The following TRRAP variants were observed in gnomAD, a reference collection of about 807,000 sequenced individuals.
TRRAP encodes the protein transformation/transcription domain associated protein, also known as transformation/transcription domain-associated protein.
In TRRAP, 41 loss-of-function variants were observed where a neutral mutation model predicts 438.8. The observed-to-expected ratio is 0.09, with a 90% CI of 0.07 to 0.12. TRRAP has a LOEUF of 0.12. Among genes scored for constraint, TRRAP ranks in the 10% least tolerant of loss-of-function variants. The probability of loss-of-function intolerance (pLI) is 1.00; values close to 1 mark genes in which losing one functional copy is unlikely to be tolerated. For missense variants in TRRAP, 3,122 were observed against 5,055.1 expected (o/e 0.62, Z 11.60); for synonymous variants, 1,994 against 1,962.9 (o/e 1.02, Z -0.42).
chr7:98,918,688 A>C (rs1220586975), intron 20 of TRRAP, among the ~76,000 whole-genome samples: 1 of 152,128 alleles, frequency 6.6e-6, no homozygotes, highest in Admixed American at 6.5e-5. Flanking sequence ...TGTTTGCTCC[A>C]CCCTACCCAA....
chr7:99,005,258 C>T lies in TRRAP; in HGVS notation c.10663C>T (p.Arg3555Ter). The T allele has an allele frequency of 6.2e-7, 1 of 1,614,108 alleles. No homozygotes were observed. The highest frequency in any genetic ancestry group is 8.5e-7 in the Non-Finnish European group (1 of 1,180,022). Residue 3555 changes from arginine to a stop codon, truncating the protein, a stop_gained, in exon 69 of 73, where the codon CGA (arginine) becomes TGA (stop). Coordinates refer to ENST00000456197, the MANE Select transcript of TRRAP (RefSeq NM_001375524.1). LOFTEE classifies it high-confidence loss of function. The surrounding 1 kb of genome is among the most constrained non-coding windows in gnomAD (Gnocchi z 5.1). ...MNDACLTESRREERVLQLLRL... is the reference protein window; with the variant it reads ...MNDACLTESR ...CGACGCCTGCCTCACAGAGTCACGG[C>T]GAGAGGAGCGTGTGTTGCAGCTGCT...
chr7:98,888,116 G>C (rs1217901046), intron 3 of TRRAP, among the ~76,000 whole-genome samples: 3 of 152,058 alleles, frequency 2.0e-5, no homozygotes, highest in African/African-American at 7.2e-5. Context: ...TGTAGTCCCA[G>C]CTACTTGGGA....
Position 98,994,994 on chromosome 7 carries a change from A to T in TRRAP, c.10309+146A>T. On this transcript the variant is annotated intron_variant, in intron 67 of 72. Coordinates refer to ENST00000456197, the MANE Select transcript of TRRAP (RefSeq NM_001375524.1). The surrounding 1 kb of genome is among the most constrained non-coding windows in gnomAD (Gnocchi z 4.8). ...ACACTCTGTTTACAGTGCAGACTTC[A>T]GAGTGCATAGCTGAGACCACATGTT... 1.6e-6 allele frequency: 2 copies of T among 1,224,314 alleles called. No individual in the cohort carries two copies. The highest frequency in any genetic ancestry group is 2.2e-6 in the Non-Finnish European group (2 of 893,466). The allele number at this position is 1,224,314 out of a possible 1,614,324, so 75.8% of individuals were successfully genotyped here. A position where few individuals can be genotyped will look rare whatever the true frequency, so the allele number is the denominator to read the frequency against.
intron 59 of TRRAP, 107 bp from the exon 60 acceptor site, chr7:98,983,157 A>T: frequency 9.3e-7 from 1 of 1,069,644 alleles, no homozygotes; most frequent in Non-Finnish European, 1.3e-6. Context: ...TGGTAATTGC[A>T]TCATAAGATC....
At chr7:98,997,818 T>G (rs1201436247) in intron 67 of TRRAP, among the ~76,000 whole-genome samples, 10 of 152,204 alleles carry the variant, frequency 6.6e-5, no homozygotes, top group African/African-American at 2.4e-4. Context: ...GAATCGAACT[T>G]AAATTCTTCC....
Position 98,953,298 on chromosome 7 carries a change from G to A in TRRAP, c.5595G>A (p.Leu1865=). ...HDNNKNRNSK[L]RRLMTFAWPC... is the part of the protein sequence containing the mutation. ...ACAACAAGAACCGCAACAGCAAGCT[G>A]CGCCGCCTCATGACCTTCGCCTGGC... Residue 1865 remains leucine (L), a synonymous_variant, in exon 40 of 73, where the codon CTG becomes CTA. Coordinates refer to ENST00000456197, the MANE Select transcript of TRRAP (RefSeq NM_001375524.1). 1 of 1,613,972 alleles carries A rather than the reference G, an allele frequency of 6.2e-7. No individual in the cohort carries two copies. Among genetic ancestry groups the A allele is most frequent in the Non-Finnish European group, 8.5e-7 (1 of 1,180,030 alleles).
At position 98,994,414 on chromosome 7, in the gene TRRAP, A is replaced by C. The variant is rs1793560807; in HGVS notation, c.10048-173A>C. Among the ~76,000 whole-genome samples the C allele has an allele frequency of 6.6e-6, 1 of 152,156 alleles. No individual in the cohort carries two copies. The highest frequency in any genetic ancestry group is 2.1e-4 in the South Asian group (1 of 4,820). ...AAGCGCCTGCTCCCATGTGGCATGC[A>C]CAGGCGTCCCGTTTCTTGCACACGC... is the stretch of plus-strand genomic sequence containing the variant. On this transcript the variant is annotated intron_variant, in intron 66 of 72. Coordinates refer to ENST00000456197, the MANE Select transcript of TRRAP (RefSeq NM_001375524.1). The surrounding 1 kb of genome is among the most constrained non-coding windows in gnomAD (Gnocchi z 4.8).
At chr7:98,890,651 A>G (rs1438473635) in intron 4 of TRRAP, among the ~76,000 whole-genome samples, 2 of 152,102 alleles carry the variant, frequency 1.3e-5, no homozygotes, top group African/African-American at 4.8e-5. Context: ...TAAATTATTC[A>G]CATTTGCCAA....
intron 67 of TRRAP, among the ~76,000 whole-genome samples, chr7:99,002,535 G>C (rs1262415149): frequency 6.6e-6 from 1 of 152,202 alleles, no homozygotes; most frequent in African/African-American, 2.4e-5. Context: ...AGCGTGGAGA[G>C]GGAACAATGA....
chr7:98,882,952 C>T (rs1795525708), intron 3 of TRRAP, among the ~76,000 whole-genome samples: 1 of 152,222 alleles, frequency 6.6e-6, no homozygotes, highest in South Asian at 2.1e-4. Flanking sequence ...GGCCACTGTG[C>T]CCGGCCGAGA....
intron 26 of TRRAP, 63 bp downstream of exon 26, chr7:98,931,728 T>A: frequency 6.3e-7 from 1 of 1,577,754 alleles, no homozygotes; most frequent in Non-Finnish European, 8.6e-7. Context: ...TTTTTTTAAA[T>A]TTGAGTTGAG....
At chr7:98,913,061 C>T (rs1184006744) in intron 18 of TRRAP, among the ~76,000 whole-genome samples, 2 of 152,108 alleles carry the variant, frequency 1.3e-5, no homozygotes, top group African/African-American at 2.4e-5. Context: ...TTAATTTGGT[C>T]CTCGTTGCTT....
rs555691610 is a variant in TRRAP at position 98,906,381 on chromosome 7, A to G, written c.1115+126A>G. On this transcript the variant is annotated intron_variant, in intron 13 of 72. Transcript: ENST00000456197. ...CCTTGACACACCTGTTAGGTTAGCA[A>G]GTGCAGGATTTTTGTTTTTGTTTTA... 5.1e-4 allele frequency: 234 copies of G among 463,192 alleles called. 5 individuals carry two copies. In the South Asian group the frequency reaches 0.013, roughly 25 times the overall value. 28.7% of individuals were successfully genotyped at this position (463,192 alleles called of 1,614,324 possible).
chr7:98,907,578 G>C (rs1554407691), intron 13 of TRRAP, among the ~76,000 whole-genome samples: 1 of 152,180 alleles, frequency 6.6e-6, no homozygotes, highest in Non-Finnish European at 1.5e-5. Context: ...TTGGACGTTA[G>C]ATTATGTTAC....
intron 26 of TRRAP, 22 bp from the exon 27 acceptor site, chr7:98,933,219 G>C (rs1790408183): frequency 1.3e-6 from 2 of 1,599,034 alleles, no homozygotes; most frequent in Non-Finnish European, 1.7e-6. Flanking sequence ...GGTGAGTGGT[G>C]CCTCCTCCTT....
chr7:98,901,010 A>G (rs960716438), intron 11 of TRRAP, among the ~76,000 whole-genome samples: 11 of 152,238 alleles, frequency 7.2e-5, no homozygotes, highest in African/African-American at 2.2e-4. Flanking sequence ...TAGTCTCTGC[A>G]ACCTTTTGAG....
At chr7:98,930,480 A>G (rs553343177) in intron 24 of TRRAP, among the ~76,000 whole-genome samples, 153 bp from the exon 25 acceptor site, 2 of 152,328 alleles carry the variant, frequency 1.3e-5, no homozygotes, top group African/African-American at 4.8e-5. Flanking sequence ...CGGGAGGCTA[A>G]GGCAGGAGAA....
chr7:98,912,054 T>C lies in TRRAP; in HGVS notation c.2040T>C (p.Thr680=), dbSNP rs1393684179. Residue 680 remains threonine (T), a synonymous_variant, in exon 18 of 73, where the codon ACT becomes ACC. Transcript: ENST00000456197. ...IVANSFLANP[T]TSALFATILV... is the part of the protein sequence containing the mutation. ...CCAATTCCTTCTTGGCAAATCCTACTACCTCTGCTCTGTTTGCTACGATTC... is the reference window on the plus strand; with the variant it reads ...CCAATTCCTTCTTGGCAAATCCTACCACCTCTGCTCTGTTTGCTACGATTC... 1.2e-6 allele frequency: 2 copies of C among 1,613,846 alleles called. No homozygotes were observed. Among genetic ancestry groups the C allele is most frequent in the Non-Finnish European group, 1.7e-6 (2 of 1,179,904 alleles).
chr7:98,977,105 G>C (rs762606233), intron 56 of TRRAP, 29 bp downstream of exon 56: 2 of 1,613,824 alleles, frequency 1.2e-6, no homozygotes, highest in Admixed American at 3.3e-5. Context: ...ACGGTCTTGG[G>C]TGTGTAATGA....
Sources: gnomAD v4.1 joint callset for allele counts (sites outside exome capture counted in the v4.1 genomes callset) on GRCh38, gnomAD v4.1.1 for gene constraint, Gnocchi (gnomAD v3.1) non-coding constraint, MANE v1.5 for transcripts, NCBI Gene and HGNC (gene_info 2026-07-23, HGNC 2026-07-21) for gene names.